The following BAZ2B variants were observed in gnomAD, a reference collection of about 807,000 sequenced individuals.
BAZ2B encodes the protein bromodomain adjacent to zinc finger domain 2B.
In BAZ2B, 91 loss-of-function variants were observed where a neutral mutation model predicts 246.0. The observed-to-expected ratio is 0.37, with a 90% CI of 0.31 to 0.44. The LOEUF is 0.44. Ranked by LOEUF, BAZ2B falls within the 20% of genes least tolerant of loss-of-function variation. The pLI, the probability that BAZ2B is intolerant of heterozygous loss-of-function variation, is 1.00. For synonymous variants in BAZ2B, 855 were observed against 860.0 expected (o/e 0.99, Z 0.10); for missense variants, 2,332 against 2,533.7 (o/e 0.92, Z 1.71).
intron 2 of BAZ2B, among the ~76,000 whole-genome samples, chr2:159,504,551 T>TA (rs2082143074): frequency 6.6e-6 from 1 of 152,180 alleles, no homozygotes; most frequent in South Asian, 2.1e-4. Context: ...TTTGTGCCAA[T>TA]AAACTCTGCT....
At chr2:159,429,085 T>G (rs1294271474) in intron 11 of BAZ2B, 115 bp downstream of exon 11, 3 of 655,652 alleles carry the variant, frequency 4.6e-6, no homozygotes, top group Non-Finnish European at 4.7e-6. Context: ...CTCTAATAAA[T>G]ACTATGCAGC....
intron 2 of BAZ2B, among the ~76,000 whole-genome samples, chr2:159,537,479 C>T (rs1303977857): frequency 6.6e-6 from 1 of 152,210 alleles, no homozygotes; most frequent in Admixed American, 6.5e-5. Flanking sequence ...ACTAATTGAA[C>T]AGACTTTGTA....
Position 159,428,012 on chromosome 2 carries a change from A to C in BAZ2B, c.2395T>G (p.Ser799Ala), listed in dbSNP as rs553113849. 2.7e-4 allele frequency: 435 copies of C among 1,613,426 alleles called. 7 individuals carry two copies. The South Asian group carries it at 4.6e-3, about 17-fold the overall frequency. Residue 799 changes from serine (S) to alanine (A), a missense_variant, in exon 13 of 37, where the codon TCA (serine) becomes GCA (alanine). Ser to Ala is a moderately conservative substitution (Grantham distance 99, BLOSUM62 1). This residue lies in a region of BAZ2B where 651 missense variants were observed against 650.9 expected (regional missense o/e 1.00). Coordinates refer to ENST00000392783, the MANE Select transcript of BAZ2B (RefSeq NM_013450.4). ...YLSRNGIMDISRDNFSFSAKI... is the reference protein window; with the variant it reads ...YLSRNGIMDIARDNFSFSAKI... ...GCACTGAAGCTGAAATTGTCCCTTGAGATATCCATTATTCCATTTCTGCTG... is the reference window on the plus strand; with the variant it reads ...GCACTGAAGCTGAAATTGTCCCTTGCGATATCCATTATTCCATTTCTGCTG...
intron 1 of BAZ2B, among the ~76,000 whole-genome samples, chr2:159,583,311 C>T (rs563191618): frequency 5.3e-5 from 8 of 152,130 alleles, no homozygotes; most frequent in East Asian, 1.9e-4. Flanking sequence ...GACAGGGTTT[C>T]GCCATGTTGG....
chr2:159,553,922 C>T (rs1410599823), intron 2 of BAZ2B, among the ~76,000 whole-genome samples: 2 of 152,036 alleles, frequency 1.3e-5, no homozygotes, highest in Admixed American at 6.6e-5. Context: ...CTTTCCTGGC[C>T]TCATTTTATT....
chr2:159,582,635 T>C (rs934708506), intron 1 of BAZ2B, among the ~76,000 whole-genome samples: 1 of 152,160 alleles, frequency 6.6e-6, no homozygotes, highest in African/African-American at 2.4e-5. Flanking sequence ...TCAGCCCACC[T>C]CAGCCTCCCA....
chr2:159,350,241 A>G lies in BAZ2B; in HGVS notation c.4330T>C (p.Cys1444Arg), dbSNP rs769408744. Residue 1444 changes from cysteine (C) to arginine (R), a missense_variant, in exon 28 of 37, where the codon TGT (cysteine) becomes CGT (arginine). By Grantham distance (180) the Cys-to-Arg change is radical. Around this residue, in one of 9 missense-constraint regions of BAZ2B, gnomAD observed 676 missense variants for 668.6 expected, o/e 1.01. Coordinates refer to ENST00000392783, the MANE Select transcript of BAZ2B (RefSeq NM_013450.4). ...TCTTTAAGATCTTCCTTTTGTTCAC[A>G]GTGATCTGTATTTGAACAATTTAAA... is the stretch of plus-strand genomic sequence containing the variant. ...DSLNCSNTDH[C>R]EQKEDLKEKD... 28 of 1,613,250 alleles carry G rather than the reference A, an allele frequency of 1.7e-5. No individual in the cohort carries two copies. The highest frequency in any genetic ancestry group is 2.3e-5 in the Non-Finnish European group (27 of 1,179,554).
At chr2:159,591,276 TC>T in intron 1 of BAZ2B, among the ~76,000 whole-genome samples, 1 of 152,216 alleles carries the variant, frequency 6.6e-6, no homozygotes, top group East Asian at 1.9e-4. Context: ...AAAATTAAGT[TC>T]CAGACTCTTT....
In BAZ2B at chr2:159,448,387, A is replaced by C; in HGVS notation, c.357T>G (p.Thr119=). The C allele has an allele frequency of 8.1e-6, 13 of 1,595,860 alleles. No homozygotes were observed. Among genetic ancestry groups the C allele is most frequent in the Non-Finnish European group, 1.1e-5 (13 of 1,175,082 alleles). Residue 119 remains threonine (T), a synonymous_variant, in exon 5 of 37, where the codon ACT becomes ACG. Coordinates refer to ENST00000392783, the MANE Select transcript of BAZ2B (RefSeq NM_013450.4). ...TTGCTCCTGTACGAGTATGAGCATC[A>C]GTTGTTCGCCACCATTCTGCACCTC... ...SFPGAEWWRT[T]DAHTRTGATF...
chr2:159,643,320 C>A, the BAZ2B span, among the ~76,000 whole-genome samples: 1 of 152,142 alleles, frequency 6.6e-6, no homozygotes, highest in Admixed American at 6.5e-5. Context: ...TATACGCAGC[C>A]ACCATCTTGC....
chr2:159,671,680 G>A, the BAZ2B span, among the ~76,000 whole-genome samples: 2 of 152,092 alleles, frequency 1.3e-5, no homozygotes, highest in Non-Finnish European at 2.9e-5. Flanking sequence ...AGCAGAAATA[G>A]TTTATGTATT....
rs749786335 is a variant in BAZ2B at position 159,430,947 on chromosome 2, C to T, written c.2110G>A (p.Ala704Thr). 20 of 1,613,860 alleles carry T rather than the reference C, an allele frequency of 1.2e-5. No individual in the cohort carries two copies. The highest frequency in any genetic ancestry group is 1.6e-5 in the Non-Finnish European group (19 of 1,179,898). The change falls in exon 10 of 37, where the codon GCT becomes ACT. Residue 704 changes from alanine (A) to threonine (T), a missense_variant. This residue lies in a region of BAZ2B where 651 missense variants were observed against 650.9 expected (regional missense o/e 1.00). Coordinates refer to ENST00000392783, the MANE Select transcript of BAZ2B (RefSeq NM_013450.4). ...GATTCAGAACATAAGGCAGCAGGAGCAGAGCCTGGGGCTTTTGCTATGTGG... is the reference window on the plus strand; with the variant it reads ...GATTCAGAACATAAGGCAGCAGGAGTAGAGCCTGGGGCTTTTGCTATGTGG... The part of the protein sequence containing the change: ...NLHIAKAPGS[A>T]PAALCSESQS...
At chr2:159,329,662 C>T (rs889821141) in intron 34 of BAZ2B, among the ~76,000 whole-genome samples, 11 of 152,102 alleles carry the variant, frequency 7.2e-5, no homozygotes, top group Non-Finnish European at 1.2e-4. Flanking sequence ...TTGAAAGATA[C>T]TTTAAAAACC....
chr2:159,438,133 A>T, intron 8 of BAZ2B, 170 bp downstream of exon 8: 1 of 640,256 alleles, frequency 1.6e-6, no homozygotes. Context: ...ACATATATGA[A>T]TATAAAATCA....
the BAZ2B span, among the ~76,000 whole-genome samples, chr2:159,698,000 G>A: frequency 6.6e-6 from 1 of 152,070 alleles, no homozygotes. Context: ...TTTTTCATAT[G>A]AAATATGGAA....
At chr2:159,428,570 C>A in intron 11 of BAZ2B, 151 bp from the exon 12 acceptor site, 1 of 502,566 alleles carries the variant, frequency 2.0e-6, no homozygotes, top group Non-Finnish European at 3.5e-6. Flanking sequence ...CATTAACTCT[C>A]AAAATTATTT....
At chr2:159,565,933 A>G (rs1052924932) in intron 1 of BAZ2B, among the ~76,000 whole-genome samples, 1 of 152,214 alleles carries the variant, frequency 6.6e-6, no homozygotes, top group African/African-American at 2.4e-5. Context: ...AATACAACAA[A>G]TAGACAATTA....
intron 1 of BAZ2B, among the ~76,000 whole-genome samples, chr2:159,587,531 A>G (rs1246841072): frequency 1.3e-5 from 2 of 152,088 alleles, no homozygotes; most frequent in East Asian, 3.8e-4. Flanking sequence ...TGAAATCTAA[A>G]CTTTTTAACC....
At chr2:159,517,198 A>G (rs1488406135) in intron 2 of BAZ2B, among the ~76,000 whole-genome samples, 1 of 152,094 alleles carries the variant, frequency 6.6e-6, no homozygotes, top group Non-Finnish European at 1.5e-5. Context: ...TTTTCTCTAC[A>G]TCATTTTAAA....
Sources: gnomAD v4.1 joint callset for allele counts (sites outside exome capture counted in the v4.1 genomes callset) on GRCh38, gnomAD v4.1.1 for gene constraint, gnomAD v4.1.1 regional missense constraint, MANE v1.5 for transcripts, NCBI Gene and HGNC (gene_info 2026-07-23, HGNC 2026-07-21) for gene names.